Variants in CTDSPL observed in about 807,000 individuals in gnomAD.
CTDSPL encodes CTD small phosphatase-like protein.
A neutral mutation model predicts 30.5 loss-of-function variants in CTDSPL; 8 were observed. The observed-to-expected ratio is 0.26, with a 90% CI of 0.15 to 0.47. CTDSPL has a LOEUF of 0.47. Among genes scored for constraint, CTDSPL ranks in the 20% least tolerant of loss-of-function variants. The pLI is 0.99. For missense variants in CTDSPL, 248 were observed against 366.1 expected, an observed-to-expected ratio of 0.68 and a Z score of 2.63; for synonymous variants, 110 against 137.9, an observed-to-expected ratio of 0.80 and a Z score of 1.42.
intron 5 of CTDSPL, among the ~76,000 whole-genome samples, chr3:37,969,063 A>G (rs565183210): frequency 1.3e-5 from 2 of 152,354 alleles, no homozygotes; most frequent in Non-Finnish European, 2.9e-5. Flanking sequence ...GGCATTTAAC[A>G]TTTGCAAAAG....
intron 1 of CTDSPL, among the ~76,000 whole-genome samples, chr3:37,906,902 G>A (rs1232922233): frequency 6.6e-6 from 1 of 152,106 alleles, no homozygotes; most frequent in East Asian, 1.9e-4. Flanking sequence ...ACACACAGTG[G>A]TTATGAGGTA....
chr3:37,875,294 C>G (rs1489140365), intron 1 of CTDSPL, among the ~76,000 whole-genome samples: 2 of 152,192 alleles, frequency 1.3e-5, no homozygotes, highest in Admixed American at 1.3e-4. Flanking sequence ...TAAGTAATAG[C>G]TCATTTTGAT....
intron 1 of CTDSPL, among the ~76,000 whole-genome samples, chr3:37,897,781 G>T (rs1003576594): frequency 2.2e-4 from 33 of 152,146 alleles, no homozygotes; most frequent in African/African-American, 7.7e-4. Flanking sequence ...TGAAAAAGTT[G>T]TACGATATGG....
At chr3:37,933,186 A>G (rs1698876679) in intron 1 of CTDSPL, among the ~76,000 whole-genome samples, 1 of 151,572 alleles carries the variant, frequency 6.6e-6, no homozygotes, top group Non-Finnish European at 1.5e-5. Flanking sequence ...GATTATGTTC[A>G]CTGATGCTCA....
intron 1 of CTDSPL, among the ~76,000 whole-genome samples, chr3:37,941,777 G>A (rs1271922561): frequency 6.7e-6 from 1 of 150,370 alleles, no homozygotes; most frequent in East Asian, 2.0e-4. Context: ...TGGGAAAATG[G>A]CAGCATGTTG....
chr3:37,868,276 C>T (rs115072664), intron 1 of CTDSPL, among the ~76,000 whole-genome samples: 1,604 of 151,766 alleles, frequency 0.011, 34 homozygotes, highest in South Asian at 0.078. Flanking sequence ...TTTTTTAAAC[C>T]GTCAAGTTTT....
chr3:37,912,275 G>A (rs914315632), intron 1 of CTDSPL, among the ~76,000 whole-genome samples: 2 of 152,130 alleles, frequency 1.3e-5, no homozygotes, highest in Non-Finnish European at 2.9e-5. Flanking sequence ...CTCAGCCCCG[G>A]CCACTCCTAC....
At chr3:37,900,094 T>C (rs1698432526) in intron 1 of CTDSPL, among the ~76,000 whole-genome samples, 1 of 152,210 alleles carries the variant, frequency 6.6e-6, no homozygotes, top group Non-Finnish European at 1.5e-5. Context: ...AATGAGAATT[T>C]TTGTTGCCTT....
At chr3:37,871,051 A>G (rs1375742705) in intron 1 of CTDSPL, among the ~76,000 whole-genome samples, 1 of 152,190 alleles carries the variant, frequency 6.6e-6, no homozygotes, top group African/African-American at 2.4e-5. Flanking sequence ...TATACCTACC[A>G]TTATAGTATT....
chr3:37,932,604 A>C (rs1233663602), intron 1 of CTDSPL, among the ~76,000 whole-genome samples: 3 of 152,266 alleles, frequency 2.0e-5, no homozygotes, highest in Non-Finnish European at 2.9e-5. Flanking sequence ...AGAAATGCAA[A>C]TTAAAACAAC....
At chr3:37,979,093 C>T (rs1699460505) in intron 7 of CTDSPL, among the ~76,000 whole-genome samples, 1 of 152,050 alleles carries the variant, frequency 6.6e-6, no homozygotes, top group Non-Finnish European at 1.5e-5. Flanking sequence ...TAAATTATGG[C>T]TAATAATAAG....
rs370751547 is a variant in CTDSPL at position 37,952,192 on chromosome 3, AG to A, written c.235-4918del. ...ATCCTGTCTTGAAAGAAAGAAAAAA[AG>A]AAACAGAAAGAAGGAATGAAAGGAG... On this transcript the variant is annotated intron_variant, in intron 2 of 7. Coordinates refer to ENST00000273179, the MANE Select transcript of CTDSPL (RefSeq NM_001008392.2). Among the ~76,000 whole-genome samples, 743 of 152,332 alleles carry A rather than the reference AG, an allele frequency of 4.9e-3. 23 individuals carry two copies. The South Asian group carries it at 0.077, about 16-fold the overall frequency.
intron 5 of CTDSPL, among the ~76,000 whole-genome samples, chr3:37,971,146 A>G (rs1473348421): frequency 2.0e-5 from 3 of 152,354 alleles, no homozygotes; most frequent in East Asian, 3.9e-4. Context: ...AATATCCCCA[A>G]GACCCTCACA....
chr3:37,866,447 G>A (rs994586819), intron 1 of CTDSPL, among the ~76,000 whole-genome samples: 10 of 151,988 alleles, frequency 6.6e-5, no homozygotes, highest in African/African-American at 2.2e-4. Context: ...ATTCCTCTAG[G>A]GAGAGGAAAC....
chr3:37,955,834 A>G (rs1368839587), intron 2 of CTDSPL, among the ~76,000 whole-genome samples: 1 of 142,558 alleles, frequency 7.0e-6, no homozygotes. Context: ...GTACCCCTGA[A>G]CCTAAAATAA....
At chr3:37,910,015 T>C (rs1698563751) in intron 1 of CTDSPL, among the ~76,000 whole-genome samples, 1 of 152,206 alleles carries the variant, frequency 6.6e-6, no homozygotes, top group South Asian at 2.1e-4. Context: ...TTTAGCGATA[T>C]GACTTTAGGC....
intron 1 of CTDSPL, among the ~76,000 whole-genome samples, chr3:37,905,264 T>C (rs1048394496): frequency 6.6e-6 from 1 of 152,220 alleles, no homozygotes. Context: ...GAAGCCTGCC[T>C]TACTTCATAA....
At chr3:37,977,912 A>C (rs1465336107) in intron 7 of CTDSPL, among the ~76,000 whole-genome samples, 1 of 152,146 alleles carries the variant, frequency 6.6e-6, no homozygotes, top group Non-Finnish European at 1.5e-5. Flanking sequence ...AAAGAAGAAA[A>C]AAATAATACA....
At chr3:37,877,737 C>G (rs1266440416) in intron 1 of CTDSPL, among the ~76,000 whole-genome samples, 1 of 150,392 alleles carries the variant, frequency 6.6e-6, no homozygotes, top group Non-Finnish European at 1.5e-5. Context: ...AGGCATGGCA[C>G]CGACATCTGC....
Sources: gnomAD v4.1 joint callset for allele counts (sites outside exome capture counted in the v4.1 genomes callset) on GRCh38, gnomAD v4.1.1 for gene constraint, MANE v1.5 for transcripts, NCBI Gene and HGNC (gene_info 2026-07-23, HGNC 2026-07-21) for gene names.